GPC6: variants seen among roughly 807,000 people sequenced by gnomAD.
GPC6 encodes glypican 6, also known as glypican-6.
In GPC6, 14 loss-of-function variants were observed where a neutral mutation model predicts 55.2. The ratio of observed to expected loss-of-function variants is 0.25; its 90% CI spans 0.17 to 0.40. The LOEUF (loss-of-function observed/expected upper bound fraction) is 0.40. GPC6 is among the 10% of genes least tolerant of loss of function. The probability of loss-of-function intolerance (pLI) is 1.00; values close to 1 mark genes in which losing one functional copy is unlikely to be tolerated. For missense variants in GPC6, 641 were observed against 708.5 expected (o/e 0.90, Z 1.08); for synonymous variants, 278 against 259.6 (o/e 1.07, Z -0.68).
At chr13:94,181,178 G>A (rs758464757) in intron 4 of GPC6, among the ~76,000 whole-genome samples, 1 of 152,160 alleles carries the variant, frequency 6.6e-6, no homozygotes, top group African/African-American at 2.4e-5. Context: ...CAGGGGTGGA[G>A]ACCTAAAACA....
intron 3 of GPC6, among the ~76,000 whole-genome samples, chr13:93,847,085 A>G (rs573860504): frequency 6.6e-5 from 10 of 152,138 alleles, no homozygotes; most frequent in Non-Finnish European, 1.5e-4. Context: ...GAACTCTAAC[A>G]TAAGTAACAT....
In GPC6 at chr13:93,711,909, G is replaced by T. The variant is rs529874059; in HGVS notation, c.320-118245G>T. Among the ~76,000 whole-genome samples the T allele has an allele frequency of 8.6e-5, 13 of 151,830 alleles. No homozygotes were observed. The South Asian group carries it at 2.7e-3, about 31-fold the overall frequency. On this transcript the variant is annotated intron_variant, in intron 2 of 8. Transcript: ENST00000377047. ...GACAATTCACAAGTACATTATACAT[G>T]GTTCCTTAGAGGATCATGGTGAGAT...
chr13:93,257,793 A>G (rs1426595879), intron 1 of GPC6, among the ~76,000 whole-genome samples: 1 of 152,222 alleles, frequency 6.6e-6, no homozygotes, highest in Non-Finnish European at 1.5e-5. Flanking sequence ...TATCTAGGTG[A>G]ATTATATGAT....
At chr13:94,322,172 T>A (rs1228043032) in intron 6 of GPC6, among the ~76,000 whole-genome samples, 1 of 152,198 alleles carries the variant, frequency 6.6e-6, no homozygotes, top group East Asian at 1.9e-4. Context: ...GGAAGTCTCA[T>A]GAGATCTGAT....
intron 2 of GPC6, among the ~76,000 whole-genome samples, chr13:93,739,461 A>C (rs1884123722): frequency 7.1e-6 from 1 of 140,498 alleles, no homozygotes; most frequent in Non-Finnish European, 1.5e-5. Flanking sequence ...ACGGAGTCTC[A>C]CTCTGTTGCC....
intron 6 of GPC6, among the ~76,000 whole-genome samples, chr13:94,325,927 G>A (rs554760219): frequency 2.6e-5 from 4 of 152,254 alleles, no homozygotes; most frequent in South Asian, 4.1e-4. Flanking sequence ...CCTCAAAGAC[G>A]CTCCTTCGTG....
intron 7 of GPC6, among the ~76,000 whole-genome samples, chr13:94,393,971 A>C (rs893185014): frequency 1.3e-5 from 2 of 152,006 alleles, no homozygotes; most frequent in African/African-American, 4.8e-5. Flanking sequence ...CTGCTGGGAA[A>C]CTTCTGTGGG....
At chr13:93,785,333 T>A (rs1885787128) in intron 2 of GPC6, among the ~76,000 whole-genome samples, 1 of 152,174 alleles carries the variant, frequency 6.6e-6, no homozygotes, top group Non-Finnish European at 1.5e-5. Flanking sequence ...TTCAAAAACT[T>A]CTGTAAGTTT....
intron 4 of GPC6, among the ~76,000 whole-genome samples, chr13:94,269,737 G>T (rs938779070): frequency 3.3e-5 from 5 of 152,042 alleles, no homozygotes; most frequent in African/African-American, 1.2e-4. Context: ...CTTTCTCTTT[G>T]GTCTATCTGG....
intron 2 of GPC6, among the ~76,000 whole-genome samples, chr13:93,822,468 T>G (rs1190557224): frequency 6.6e-6 from 1 of 152,154 alleles, no homozygotes; most frequent in Non-Finnish European, 1.5e-5. Context: ...TTATTACACT[T>G]TACATTCTGA....
chr13:94,398,236 T>TA, intron 7 of GPC6, among the ~76,000 whole-genome samples: 1 of 147,982 alleles, frequency 6.8e-6, no homozygotes, highest in African/African-American at 2.6e-5. Context: ...TCAGTGCCAT[T>TA]TAAAAAAAAA....
chr13:93,373,605 G>A (rs548611676), intron 1 of GPC6, among the ~76,000 whole-genome samples: 5 of 152,208 alleles, frequency 3.3e-5, no homozygotes, highest in Admixed American at 1.3e-4. Flanking sequence ...TTAGTGTGTC[G>A]TCTGTGGTGA....
intron 8 of GPC6, 63 bp downstream of exon 8, chr13:94,398,704 C>G: frequency 7.4e-7 from 1 of 1,348,150 alleles, no homozygotes; most frequent in Non-Finnish European, 1.1e-6. Flanking sequence ...GAAGATGATG[C>G]CCTGACTTTC....
At chr13:93,296,120 T>C (rs531702408) in intron 1 of GPC6, among the ~76,000 whole-genome samples, 47 of 152,342 alleles carry the variant, frequency 3.1e-4, no homozygotes, top group African/African-American at 1.0e-3. Flanking sequence ...GAAGGAAATA[T>C]TCAGCCTGTA....
chr13:93,714,036 A>G (rs1883162698), intron 2 of GPC6, among the ~76,000 whole-genome samples: 1 of 151,938 alleles, frequency 6.6e-6, no homozygotes, highest in South Asian at 2.1e-4. Flanking sequence ...GAAAGAATTT[A>G]TGACTAAGTC....
chr13:93,886,760 GT>G (rs34144264), intron 3 of GPC6, among the ~76,000 whole-genome samples: 13,028 of 119,014 alleles, frequency 0.11, 570 homozygotes, highest in East Asian at 0.18. Context: ...TTTTTTTTTT[GT>G]TTTTTTTTTT....
intron 1 of GPC6, among the ~76,000 whole-genome samples, chr13:93,370,766 C>T (rs1023633015): frequency 3.3e-5 from 5 of 152,048 alleles, no homozygotes; most frequent in Admixed American, 3.3e-4. Context: ...TGTGGGAAAA[C>T]CTTTTCTGTA....
intron 1 of GPC6, among the ~76,000 whole-genome samples, chr13:93,417,254 T>C (rs1205717804): frequency 6.6e-6 from 1 of 152,140 alleles, no homozygotes; most frequent in Non-Finnish European, 1.5e-5. Flanking sequence ...TTTTATTTTA[T>C]TTTTTTAGTG....
At chr13:93,802,137 A>G (rs970163830) in intron 2 of GPC6, among the ~76,000 whole-genome samples, 1 of 152,192 alleles carries the variant, frequency 6.6e-6, no homozygotes, top group Non-Finnish European at 1.5e-5. Context: ...CTGTAAGTAG[A>G]TAATATAAAA....
Sources: gnomAD v4.1 joint callset for allele counts (sites outside exome capture counted in the v4.1 genomes callset) on GRCh38, gnomAD v4.1.1 for gene constraint, MANE v1.5 for transcripts, NCBI Gene and HGNC (gene_info 2026-07-23, HGNC 2026-07-21) for gene names.